Variants in PIGN observed in about 807,000 individuals in gnomAD.
The protein encoded by PIGN is phosphatidylinositol glycan anchor biosynthesis class N, also known as GPI ethanolamine phosphate transferase 1.
A neutral mutation model predicts 125.4 loss-of-function variants in PIGN; 117 were observed. That is an observed-to-expected ratio of 0.93 (90% CI 0.80 to 1.09). The LOEUF (loss-of-function observed/expected upper bound fraction) is 1.09. PIGN is among the 50% of genes least tolerant of loss of function. The pLI is 0.00. For synonymous variants in PIGN, 392 were observed against 377.8 expected, an observed-to-expected ratio of 1.04 and a Z score of -0.44; for missense variants, 1,075 against 1,094.9, an observed-to-expected ratio of 0.98 and a Z score of 0.26.
chr18:62,151,257 C>T (rs537850623), intron 7 of PIGN, among the ~76,000 whole-genome samples: 8 of 152,230 alleles, frequency 5.3e-5, no homozygotes, highest in Admixed American at 1.3e-4. Flanking sequence ...CTAGGAATGT[C>T]GGGTGATGAT....
At chr18:62,099,139 G>GA (rs1169018038) in intron 22 of PIGN, among the ~76,000 whole-genome samples, 1 of 151,556 alleles carries the variant, frequency 6.6e-6, no homozygotes, top group East Asian at 1.9e-4. Flanking sequence ...TTAGTTAAAA[G>GA]AAAAAAAATT....
At chr18:62,019,399 A>G (rs1050873534) in intron 23 of PIGN, among the ~76,000 whole-genome samples, 1 of 152,232 alleles carries the variant, frequency 6.6e-6, no homozygotes, top group Non-Finnish European at 1.5e-5. Context: ...TTAGACTAAC[A>G]AAACAAATAG....
intron 24 of PIGN, among the ~76,000 whole-genome samples, chr18:62,089,406 T>C (rs2033859130): frequency 6.6e-6 from 1 of 152,032 alleles, no homozygotes; most frequent in South Asian, 2.1e-4. Flanking sequence ...CACTAATGGG[T>C]GAATTTAAAG....
At chr18:62,118,144 T>C (rs2035159856) in intron 14 of PIGN, among the ~76,000 whole-genome samples, 1 of 152,114 alleles carries the variant, frequency 6.6e-6, no homozygotes, top group Admixed American at 6.5e-5. Context: ...ATGATATAGA[T>C]AGATAGATAC....
At chr18:62,030,519 G>A (rs183598050) in intron 23 of PIGN, among the ~76,000 whole-genome samples, 61 of 152,326 alleles carry the variant, frequency 4.0e-4, no homozygotes, top group African/African-American at 1.4e-3. Flanking sequence ...GAAAGTCACA[G>A]AGCTCTATAC....
rs149607350 is a variant in PIGN, at chr18:62,151,698, T to C, written c.549+2847A>G. 6.6e-3 allele frequency among the ~76,000 whole-genome samples: 1,004 copies of C among 152,350 alleles called. 10 individuals are homozygous for C. Among genetic ancestry groups the C allele is most frequent in the African/African-American group, 0.023 (956 of 41,580 alleles). On this transcript the variant is annotated intron_variant, in intron 7 of 30. Coordinates refer to ENST00000640252, the MANE Select transcript of PIGN (RefSeq NM_176787.5). The stretch of plus-strand genomic sequence containing the variant: ...TCCTTTCTTTCCCGTTCTAAAGTTT[T>C]TGTAAATAAACTTCCATTGCTGCCT...
intron 23 of PIGN, among the ~76,000 whole-genome samples, chr18:62,035,563 C>T (rs1023562338): frequency 6.6e-6 from 1 of 152,068 alleles, no homozygotes; most frequent in Non-Finnish European, 1.5e-5. Flanking sequence ...TTCTAGGGTA[C>T]ATGTGCACAA....
chr18:62,158,980 G>A (rs917917200), intron 4 of PIGN, among the ~76,000 whole-genome samples: 29 of 152,178 alleles, frequency 1.9e-4, no homozygotes, highest in Non-Finnish European at 2.6e-4. Flanking sequence ...GGCCAGATGC[G>A]GTGGCTCACG....
intron 23 of PIGN, among the ~76,000 whole-genome samples, chr18:62,091,527 G>A (rs1240265710): frequency 6.6e-6 from 1 of 152,172 alleles, no homozygotes; most frequent in South Asian, 2.1e-4. Context: ...GCAGACATGT[G>A]CTACAATTTC....
intron 22 of PIGN, among the ~76,000 whole-genome samples, chr18:62,096,516 C>CTTTTTTTTTTTTTTTT (rs398033140): frequency 2.6e-4 from 22 of 85,654 alleles, no homozygotes; most frequent in African/African-American, 5.4e-4. Context: ...GAATTATTTT[C>CTTTTTTTTTTTTTTTT]TTTTTTTTTT....
At chr18:62,051,608 C>T (rs1304676199) in intron 30 of PIGN, among the ~76,000 whole-genome samples, 22 of 152,094 alleles carry the variant, frequency 1.4e-4, no homozygotes, top group Admixed American at 1.4e-3. Flanking sequence ...CTTTATTAGT[C>T]TTGCTAGTGG....
At position 62,084,549 on chromosome 18, in the gene PIGN, TC is replaced by T; in HGVS notation, c.2483del (p.Gly828GlufsTer3). The T allele has an allele frequency of 6.4e-7, 1 of 1,553,394 alleles. No homozygotes were observed. The highest frequency in any genetic ancestry group is 8.7e-7 in the Non-Finnish European group (1 of 1,146,058). ...FLTVFSPFMM[G>X]ALMMWKILIP... ...AACTAACCTTCCACATCATCAGGGCTCCCATCATAAAAGGACTGAACACAGT... is the reference window on the plus strand; with the variant it reads ...AACTAACCTTCCACATCATCAGGGCTCCATCATAAAAGGACTGAACACAGT... On this transcript the variant is annotated frameshift_variant, in exon 27 of 31. Transcript: ENST00000640252. LOFTEE classifies it high-confidence loss of function.
chr18:62,091,576 C>T (rs55749267), intron 23 of PIGN, among the ~76,000 whole-genome samples: 4 of 152,114 alleles, frequency 2.6e-5, no homozygotes, highest in East Asian at 1.9e-4. Flanking sequence ...TTTACAGAAG[C>T]AGGAAACAGA....
chr18:62,147,919 AT>A (rs2036393459), intron 8 of PIGN, among the ~76,000 whole-genome samples: 1 of 152,130 alleles, frequency 6.6e-6, no homozygotes, highest in African/African-American at 2.4e-5. Context: ...TTCACTGAAA[AT>A]ATTTCTAAAA....
At chr18:62,164,622 T>A (rs1405879764) in intron 1 of PIGN, among the ~76,000 whole-genome samples, 2 of 152,062 alleles carry the variant, frequency 1.3e-5, no homozygotes, top group African/African-American at 4.8e-5. Flanking sequence ...TCCCACCAGG[T>A]CCCTCCCTCA....
intron 14 of PIGN, among the ~76,000 whole-genome samples, chr18:62,124,340 T>C (rs942783581): frequency 1.3e-5 from 2 of 152,148 alleles, no homozygotes; most frequent in African/African-American, 4.8e-5. Context: ...GATCTGATGG[T>C]ATTCCCTTTA....
Position 62,105,634 on chromosome 18 carries a change from T to A in PIGN, c.1768A>T (p.Met590Leu), listed in dbSNP as rs749969084. ...FLTRLWTRAK[M>L]TSLSWTFFSL... ...AAGAAAGTCCAACTCAGTGAGGTCA[T>A]CTAAAATCAAGAAAAAAGTTATCTT... The change falls in exon 20 of 31, where the codon ATG (methionine) becomes TTG (leucine). Residue 590 changes from methionine (M) to leucine (L), a missense_variant and splice_region_variant. Transcript: ENST00000640252. 4 of 1,530,812 alleles carry A rather than the reference T, an allele frequency of 2.6e-6. 1 individual carries two copies. In the South Asian group the frequency reaches 3.7e-5, roughly 14 times the overall value. The allele number at this position is 1,530,812 out of a possible 1,614,324, so 94.8% of individuals were successfully genotyped here.
chr18:62,173,949 C>T (rs888897410), intron 1 of PIGN, among the ~76,000 whole-genome samples: 2 of 152,148 alleles, frequency 1.3e-5, no homozygotes, highest in African/African-American at 4.8e-5. Flanking sequence ...GGTGCGGTGG[C>T]TTACGCCTGT....
At chr18:62,028,302 T>G (rs1314811875) in intron 23 of PIGN, among the ~76,000 whole-genome samples, 2 of 152,210 alleles carry the variant, frequency 1.3e-5, no homozygotes, top group Non-Finnish European at 2.9e-5. Flanking sequence ...GCTGACTTTA[T>G]TCTCCTGAGC....
Sources: gnomAD v4.1 joint callset for allele counts (sites outside exome capture counted in the v4.1 genomes callset) on GRCh38, gnomAD v4.1.1 for gene constraint, MANE v1.5 for transcripts, NCBI Gene and HGNC (gene_info 2026-07-23, HGNC 2026-07-21) for gene names.